Variants in MTX2 observed in about 807,000 individuals in gnomAD.
MTX2 encodes metaxin-2.
A neutral mutation model predicts 42.3 loss-of-function variants in MTX2; 35 were observed. That is an observed-to-expected ratio of 0.83 (90% CI 0.63 to 1.10). The LOEUF (loss-of-function observed/expected upper bound fraction) is 1.10, where lower values mean the gene tolerates loss of function less well. MTX2 is among the 50% of genes least tolerant of loss of function. The probability of loss-of-function intolerance (pLI) is 0.00; values close to 1 mark genes in which losing one functional copy is unlikely to be tolerated. For synonymous variants in MTX2, 119 were observed against 100.9 expected, an observed-to-expected ratio of 1.18 and a Z score of -1.08; for missense variants, 307 against 304.1, an observed-to-expected ratio of 1.01 and a Z score of -0.07.
intron 8 of MTX2, 41 bp from the exon 9 acceptor site, chr2:176,330,543 T>C: frequency 7.2e-7 from 1 of 1,391,644 alleles, no homozygotes; most frequent in South Asian, 1.5e-5. Context: ...ATTGTTTTGC[T>C]AATTGAAATA....
At chr2:176,280,374 T>C (rs1219523407) in intron 1 of MTX2, among the ~76,000 whole-genome samples, 2 of 152,228 alleles carry the variant, frequency 1.3e-5, no homozygotes. Context: ...AGGCTTCAGA[T>C]GAGTCAACAT....
intron 9 of MTX2, among the ~76,000 whole-genome samples, chr2:176,333,420 T>C (rs757497140): frequency 6.6e-6 from 1 of 151,674 alleles, no homozygotes; most frequent in African/African-American, 2.4e-5. Context: ...GTAATTTACA[T>C]CTAGTAAAAT....
At chr2:176,310,891 C>T (rs942938687) in intron 3 of MTX2, among the ~76,000 whole-genome samples, 1 of 152,172 alleles carries the variant, frequency 6.6e-6, no homozygotes, top group Non-Finnish European at 1.5e-5. Context: ...CTTCTGAAGC[C>T]TACTTCTGTC....
intron 3 of MTX2, among the ~76,000 whole-genome samples, chr2:176,309,720 CTTTTTTTT>C (rs745705028): frequency 1.0e-5 from 1 of 98,552 alleles, no homozygotes; most frequent in South Asian, 3.2e-4. Context: ...GCAACCTCTG[CTTTTTTTT>C]TTTTTTTTTT....
intron 3 of MTX2, among the ~76,000 whole-genome samples, chr2:176,312,581 G>T (rs1684340605): frequency 1.3e-5 from 2 of 151,892 alleles, no homozygotes; most frequent in African/African-American, 4.8e-5. Flanking sequence ...AAGTGCTATT[G>T]GGCCGGGTGT....
intron 3 of MTX2, among the ~76,000 whole-genome samples, chr2:176,308,884 T>C (rs1184502348): frequency 6.6e-6 from 1 of 152,200 alleles, no homozygotes; most frequent in Non-Finnish European, 1.5e-5. Flanking sequence ...TTTGTGTCTG[T>C]ATCTCTTTCA....
chr2:176,274,026 T>C (rs559757980), intron 1 of MTX2, among the ~76,000 whole-genome samples: 102 of 152,302 alleles, frequency 6.7e-4, no homozygotes, highest in African/African-American at 2.3e-3. Flanking sequence ...ATGTGCACTT[T>C]GCTTGAATAA....
chr2:176,281,517 G>T (rs1404745693), intron 1 of MTX2, among the ~76,000 whole-genome samples: 1 of 152,178 alleles, frequency 6.6e-6, no homozygotes, highest in African/African-American at 2.4e-5. Context: ...GCCTGAGCTA[G>T]CAAGATAGAA....
intron 3 of MTX2, among the ~76,000 whole-genome samples, chr2:176,322,292 A>G (rs1268396734): frequency 6.6e-6 from 1 of 152,166 alleles, no homozygotes; most frequent in Admixed American, 6.6e-5. Context: ...GAGTTGAGGA[A>G]GGAATTATAA....
intron 1 of MTX2, among the ~76,000 whole-genome samples, chr2:176,294,279 T>A (rs1292574876): frequency 1.4e-5 from 1 of 71,410 alleles, no homozygotes; most frequent in East Asian, 2.5e-4. Flanking sequence ...ATGAATTAAC[T>A]TTTTTTTTTT....
chr2:176,337,467 C>T, intron 9 of MTX2, 26 bp from the exon 10 acceptor site: 1 of 1,539,026 alleles, frequency 6.5e-7, no homozygotes, highest in Non-Finnish European at 8.8e-7. Flanking sequence ...GCTACTTACT[C>T]ACATTACTCT....
chr2:176,292,155 T>G (rs757662334), intron 1 of MTX2, among the ~76,000 whole-genome samples: 1 of 152,036 alleles, frequency 6.6e-6, no homozygotes, highest in Admixed American at 6.5e-5. Flanking sequence ...ACTTTCAGTC[T>G]CACCTTCTGT....
intron 1 of MTX2, among the ~76,000 whole-genome samples, chr2:176,294,013 G>C (rs1683779113): frequency 6.6e-6 from 1 of 152,202 alleles, no homozygotes; most frequent in East Asian, 1.9e-4. Context: ...GAAAACACTG[G>C]ATGTTTTGGT....
Position 176,323,428 on chromosome 2 carries a change from G to A in MTX2, c.172G>A (p.Val58Ile). 1 of 1,611,314 alleles carries A rather than the reference G, an allele frequency of 6.2e-7. No homozygotes were observed. The highest frequency in any genetic ancestry group is 8.5e-7 in the Non-Finnish European group (1 of 1,178,296). The change falls in exon 4 of 10, where the codon GTT becomes ATT. Residue 58 changes from valine to isoleucine, a missense_variant. By Grantham distance (29) the Val-to-Ile change is conservative. Transcript: ENST00000249442. ...AATGTGTAACTTGCCTATCAAAGTA[G>A]TTTGTAGGGCAAATGCAGAATATAT... is the stretch of plus-strand genomic sequence containing the variant. ...LQMCNLPIKV[V>I]CRANAEYMSP... is the part of the protein sequence containing the mutation.
At chr2:176,288,394 T>C (rs78367033) in intron 1 of MTX2, among the ~76,000 whole-genome samples, 3,579 of 152,082 alleles carry the variant, frequency 0.024, 129 homozygotes, top group African/African-American at 0.081. Flanking sequence ...TTCCTTCCTT[T>C]CTTTGTGTGT....
At chr2:176,306,071 C>T (rs989503029) in intron 3 of MTX2, among the ~76,000 whole-genome samples, 1 of 152,036 alleles carries the variant, frequency 6.6e-6, no homozygotes, top group Non-Finnish European at 1.5e-5. Context: ...CCAGCACCCC[C>T]ACCCCCTGAC....
In MTX2 at chr2:176,326,865, A is replaced by G; in HGVS notation, c.249A>G (p.Ser83=). 6.3e-7 allele frequency: 1 copy of G among 1,576,232 alleles called. No individual in the cohort carries two copies. Among genetic ancestry groups the G allele is most frequent in the Non-Finnish European group, 8.6e-7 (1 of 1,158,856 alleles). ...TTCATGTGGGAAATCAAGTAGTATCAGAACTTGGTCCAATAGTCCAATTTG... is the reference window on the plus strand; with the variant it reads ...TTCATGTGGGAAATCAAGTAGTATCGGAACTTGGTCCAATAGTCCAATTTG... ...PFIHVGNQVV[S]ELGPIVQFVK... is the part of the protein sequence containing the mutation. The change falls in exon 5 of 10, where the codon TCA becomes TCG. Residue 83 remains serine, a synonymous_variant. Coordinates refer to ENST00000249442, the MANE Select transcript of MTX2 (RefSeq NM_006554.5).
At chr2:176,316,332 T>G (rs1421508346) in intron 3 of MTX2, among the ~76,000 whole-genome samples, 1 of 152,160 alleles carries the variant, frequency 6.6e-6, no homozygotes, top group Non-Finnish European at 1.5e-5. Context: ...AGAAATGTCT[T>G]TTGGAATTTA....
In MTX2 at chr2:176,299,685, A is replaced by G. The variant is rs543955865; in HGVS notation, c.135+1790A>G. On this transcript the variant is annotated intron_variant, in intron 3 of 9. Transcript: ENST00000249442. ...AATGTGACTTTTCCAGTTATCTGATATAAACTTTATGGAGTAATTTTCTTC... is the reference window on the plus strand; with the variant it reads ...AATGTGACTTTTCCAGTTATCTGATGTAAACTTTATGGAGTAATTTTCTTC... Among the ~76,000 whole-genome samples the G allele has an allele frequency of 3.3e-5, 5 of 152,214 alleles. No individual in the cohort carries two copies. In the South Asian group the frequency reaches 6.2e-4, roughly 19 times the overall value.
Sources: allele counts gnomAD v4.1 joint callset (sites outside exome capture counted in the v4.1 genomes callset), GRCh38; gene constraint gnomAD v4.1.1; transcripts MANE v1.5; gene names NCBI Gene and HGNC (gene_info 2026-07-23, HGNC 2026-07-21).